PCDH19: variants seen among roughly 807,000 people sequenced by gnomAD.
The protein encoded by PCDH19 is protocadherin 19.
PCDH19 carries 6 observed loss-of-function variants against 46.2 expected under a neutral mutation model. The ratio of observed to expected loss-of-function variants is 0.13; its 90% CI spans 0.07 to 0.26. The LOEUF is 0.26. Ranked by LOEUF, PCDH19 falls within the 10% of genes least tolerant of loss-of-function variation. The pLI is 1.00. For synonymous variants in PCDH19, 481 were observed against 415.7 expected, an observed-to-expected ratio of 1.16 and a Z score of -1.91; for missense variants, 740 against 972.3, an observed-to-expected ratio of 0.76 and a Z score of 3.18.
At chrX:100,401,531 A>C (rs1928179269) in intron 3 of PCDH19, among the ~76,000 whole-genome samples, 3 of 110,642 alleles carry the variant, frequency 2.7e-5, no homozygotes, top group African/African-American at 9.9e-5. Context: ...GCATGCCTGT[A>C]ATCCCAGCTA....
intron 5 of PCDH19, among the ~76,000 whole-genome samples, chrX:100,329,556 A>C: frequency 8.9e-6 from 1 of 112,205 alleles, no homozygotes; most frequent in Middle Eastern, 4.6e-3. Context: ...TCTTCTAAAA[A>C]ATGGAACAGA....
intron 3 of PCDH19, among the ~76,000 whole-genome samples, chrX:100,370,363 A>G (rs770518338): frequency 8.9e-6 from 1 of 112,425 alleles, no homozygotes; most frequent in African/African-American, 3.2e-5. Flanking sequence ...GAATAAACTG[A>G]AAGGAAAAAA....
chrX:100,390,198 G>T (rs1357246180), intron 3 of PCDH19, among the ~76,000 whole-genome samples: 2 of 111,470 alleles, frequency 1.8e-5, no homozygotes, highest in Non-Finnish European at 3.8e-5. Context: ...CCTGGTCAGT[G>T]AAGGATGATC....
intron 5 of PCDH19, among the ~76,000 whole-genome samples, chrX:100,333,183 G>GAGAGAGAGAAAGAA (rs1489789460): frequency 2.3e-5 from 1 of 43,469 alleles, no homozygotes; most frequent in African/African-American, 7.8e-5. Flanking sequence ...GGGAGAGAGA[G>GAGAGAGAGAAAGAA]AGAAAGAAAG....
Position 100,410,142 on chromosome X carries a change from C to G in PCDH19, c.-1545G>C. 3.4e-6 allele frequency: 1 copy of G among 297,409 alleles called. No individual in the cohort carries two copies. The highest frequency in any genetic ancestry group is 6.0e-5 in the Admixed American group (1 of 16,547). The allele number at this position is 297,409 out of a possible 1,213,427, so 24.5% of individuals were successfully genotyped here. On this transcript the variant is annotated 5_prime_UTR_variant, in exon 1 of 6. Transcript: ENST00000373034. ...AGCGCCGGGCTAGGGACGCGGGTGC[C>G]AGTGCCTCCCGGGCAAGCCAGGCAT... is the stretch of plus-strand genomic sequence containing the variant.
intron 3 of PCDH19, among the ~76,000 whole-genome samples, chrX:100,374,068 C>T (rs949149623): frequency 8.9e-6 from 1 of 112,805 alleles, no homozygotes; most frequent in African/African-American, 3.2e-5. Flanking sequence ...TCGTCAGTAG[C>T]TTTCTTAGCA....
chrX:100,373,002 C>A (rs1452242296), intron 3 of PCDH19, among the ~76,000 whole-genome samples: 1 of 111,362 alleles, frequency 9.0e-6, no homozygotes, highest in Non-Finnish European at 1.9e-5. Context: ...GCCTTGTGTC[C>A]CTTCTCTTCT....
At chrX:100,362,243 C>G (rs1392724939) in intron 3 of PCDH19, among the ~76,000 whole-genome samples, 2 of 110,723 alleles carry the variant, frequency 1.8e-5, no homozygotes, top group African/African-American at 6.6e-5. Context: ...ATGTACACAC[C>G]TTTCTCTCGA....
Position 100,408,761 on chromosome X carries a change from G to C in PCDH19, c.-164C>G, listed in dbSNP as rs971546354. 64 of 245,457 alleles carry C rather than the reference G, an allele frequency of 2.6e-4. No homozygotes were observed. Among genetic ancestry groups the C allele is most frequent in the African/African-American group, 1.7e-3 (59 of 33,924 alleles). 20.2% of individuals were successfully genotyped at this position (245,457 alleles called of 1,213,427 possible). A position where few individuals can be genotyped will look rare whatever the true frequency, so the allele number is the denominator to read the frequency against. Reference sequence around the variant, plus strand: ...CAGGGCGGCCCGGCGGCGCGCGGGGGACACCCGCGGCGGCTCCAATGCTGA... The same window carrying C: ...CAGGGCGGCCCGGCGGCGCGCGGGGCACACCCGCGGCGGCTCCAATGCTGA... On this transcript the variant is annotated 5_prime_UTR_variant, in exon 1 of 6. Coordinates refer to ENST00000373034, the MANE Select transcript of PCDH19 (RefSeq NM_001184880.2).
At chrX:100,400,413 C>T (rs938960099) in intron 3 of PCDH19, among the ~76,000 whole-genome samples, 1 of 111,883 alleles carries the variant, frequency 8.9e-6, no homozygotes, top group African/African-American at 3.2e-5. Flanking sequence ...GACAGGTGTG[C>T]CCATTTTGTA....
chrX:100,403,451 C>T (rs1261547433), intron 2 of PCDH19, 73 bp downstream of exon 2: 10 of 1,061,485 alleles, frequency 9.4e-6, no homozygotes, highest in Admixed American at 4.6e-5. Flanking sequence ...CTTTTACTCA[C>T]CCCCCGACCC....
intron 3 of PCDH19, among the ~76,000 whole-genome samples, chrX:100,393,497 T>TACACACACACACACACACACAC (rs57070852): frequency 1.1e-5 from 1 of 90,068 alleles, no homozygotes; most frequent in Non-Finnish European, 2.2e-5. Context: ...CATACATACA[T>TACACACACACACACACACACAC]ACACACACAC....
chrX:100,332,474 A>T (rs1476140823), intron 5 of PCDH19, among the ~76,000 whole-genome samples: 1 of 107,237 alleles, frequency 9.3e-6, no homozygotes, highest in African/African-American at 3.4e-5. Flanking sequence ...GTGAGCCAAG[A>T]TCGTGCCATT....
chrX:100,395,790 C>T (rs1397884017), intron 3 of PCDH19, among the ~76,000 whole-genome samples: 1 of 113,290 alleles, frequency 8.8e-6, no homozygotes, highest in East Asian at 2.8e-4. Flanking sequence ...AGCCTGGGTA[C>T]ACCCACTAGA....
chrX:100,396,849 T>C (rs1164905632), intron 3 of PCDH19, among the ~76,000 whole-genome samples: 1 of 111,861 alleles, frequency 8.9e-6, no homozygotes, highest in Non-Finnish European at 1.9e-5. Context: ...CCCTTGATTT[T>C]TGAAGAAAAC....
chrX:100,297,357 C>T (rs1484257482), intron 5 of PCDH19, among the ~76,000 whole-genome samples: 1 of 111,208 alleles, frequency 9.0e-6, no homozygotes, highest in Non-Finnish European at 1.9e-5. Flanking sequence ...ATCACTGATA[C>T]ACAGTGCTTA....
At chrX:100,322,528 TTTTTG>T (rs370120234) in intron 5 of PCDH19, among the ~76,000 whole-genome samples, 36 of 110,293 alleles carry the variant, frequency 3.3e-4, no homozygotes, top group Middle Eastern at 9.4e-3. Context: ...GTTTTTTTGT[TTTTTG>T]TTTTGTTTTG....
chrX:100,346,528 C>T (rs908336401), intron 4 of PCDH19, among the ~76,000 whole-genome samples: 2 of 111,921 alleles, frequency 1.8e-5, no homozygotes, highest in Admixed American at 9.5e-5. Context: ...TTCCAATGCA[C>T]ATTAAAATCC....
chrX:100,355,724 A>G (rs1569300491), intron 3 of PCDH19, among the ~76,000 whole-genome samples: 1 of 111,133 alleles, frequency 9.0e-6, no homozygotes, highest in Non-Finnish European at 1.9e-5. Flanking sequence ...TTTGCTTACT[A>G]CTTGCTGTTC....
Sources: gnomAD v4.1 joint callset for allele counts (sites outside exome capture counted in the v4.1 genomes callset) on GRCh38, gnomAD v4.1.1 for gene constraint, MANE v1.5 for transcripts, NCBI Gene and HGNC (gene_info 2026-07-23, HGNC 2026-07-21) for gene names.